The following ADAM23 variants were observed in gnomAD, a reference collection of about 807,000 sequenced individuals.
ADAM23 encodes ADAM metallopeptidase domain 23, also known as disintegrin and metalloproteinase domain-containing protein 23.
Under a neutral mutation model 120.1 loss-of-function variants are expected in ADAM23, and 33 were observed. The ratio of observed to expected loss-of-function variants is 0.27; its 90% confidence interval spans 0.21 to 0.37. The LOEUF is 0.37. Ranked by LOEUF, ADAM23 falls within the 10% of genes least tolerant of loss-of-function variation. ADAM23 has a pLI of 1.00. For missense variants in ADAM23, 862 were observed against 1,058.2 expected, an observed-to-expected ratio of 0.81 and a Z score of 2.57; for synonymous variants, 367 against 375.2, an observed-to-expected ratio of 0.98 and a Z score of 0.25.
chr2:206,577,186 T>G (rs1348641220), intron 18 of ADAM23, among the ~76,000 whole-genome samples: 1 of 152,106 alleles, frequency 6.6e-6, no homozygotes, highest in Admixed American at 6.6e-5. Flanking sequence ...TTTATTAGCC[T>G]AAACTAAAAC....
intron 24 of ADAM23, chr2:206,605,818 G>A (rs911869162): frequency 2.9e-6 from 2 of 700,696 alleles, no homozygotes; most frequent in Admixed American, 4.0e-5. Flanking sequence ...GGCTAATAGG[G>A]GCCGTGGCCG....
At chr2:206,507,931 T>G (rs1696528725) in intron 3 of ADAM23, among the ~76,000 whole-genome samples, 1 of 152,200 alleles carries the variant, frequency 6.6e-6, no homozygotes, top group Admixed American at 6.5e-5. Context: ...GCAGCCTGCT[T>G]GGGCTTCCCT....
At chr2:206,500,402 G>A (rs1696363479) in intron 3 of ADAM23, among the ~76,000 whole-genome samples, 1 of 152,244 alleles carries the variant, frequency 6.6e-6, no homozygotes, top group African/African-American at 2.4e-5. Context: ...AGTTAGCCAT[G>A]ATAATGGATA....
At chr2:206,545,603 A>G (rs1448088256) in intron 6 of ADAM23, among the ~76,000 whole-genome samples, 1 of 152,226 alleles carries the variant, frequency 6.6e-6, no homozygotes, top group Non-Finnish European at 1.5e-5. Flanking sequence ...GTATGTATGA[A>G]TATGGGGTAA....
chr2:206,490,101 A>G (rs567642182), intron 3 of ADAM23, among the ~76,000 whole-genome samples: 3 of 152,288 alleles, frequency 2.0e-5, no homozygotes, highest in East Asian at 1.9e-4. Context: ...TAATATTACT[A>G]TTGTCATGAA....
At chr2:206,561,609 T>C (rs1697768664) in intron 12 of ADAM23, among the ~76,000 whole-genome samples, 1 of 152,182 alleles carries the variant, frequency 6.6e-6, no homozygotes, top group African/African-American at 2.4e-5. Flanking sequence ...TTTCTCCCTA[T>C]GTATATATTT....
intron 2 of ADAM23, among the ~76,000 whole-genome samples, chr2:206,462,763 C>T (rs958350825): frequency 1.3e-5 from 2 of 152,080 alleles, no homozygotes; most frequent in Non-Finnish European, 2.9e-5. Flanking sequence ...GGAAAAATTG[C>T]ATATTTCCTG....
intron 9 of ADAM23, among the ~76,000 whole-genome samples, chr2:206,551,477 G>A (rs1362164160): frequency 6.6e-6 from 1 of 152,140 alleles, no homozygotes; most frequent in East Asian, 1.9e-4. Flanking sequence ...ACTTTATATA[G>A]ATGAGAATCT....
chr2:206,447,749 A>G (rs1695111574), intron 2 of ADAM23, among the ~76,000 whole-genome samples: 1 of 152,194 alleles, frequency 6.6e-6, no homozygotes, highest in Admixed American at 6.5e-5. Context: ...TATCTGTGTT[A>G]TGTACCTTTT....
At chr2:206,616,132 G>A (rs979306442) in intron 25 of ADAM23, among the ~76,000 whole-genome samples, 2 of 152,172 alleles carry the variant, frequency 1.3e-5, no homozygotes, top group Admixed American at 6.5e-5. Flanking sequence ...ACAGAGTATG[G>A]CTCCTTAAAC....
rs35626987 is a variant in ADAM23 at position 206,543,750 on chromosome 2, TAC to T, written c.720+453_720+454del. ...CAGCAAGTAGATAAGTAAAATGTGATACACACACACACACACACACGCACACG... is the reference window on the plus strand; with the variant it reads ...CAGCAAGTAGATAAGTAAAATGTGATACACACACACACACACACGCACACG... On this transcript the variant is annotated intron_variant, in intron 6 of 25. Transcript: ENST00000264377. Among the ~76,000 whole-genome samples the T allele has an allele frequency of 3.1e-4, 46 of 149,742 alleles. 2 individuals are homozygous for T. Among genetic ancestry groups the T allele is most frequent in the South Asian group, 4.2e-4 (2 of 4,736 alleles).
chr2:206,538,963 C>T (rs1018300478), intron 4 of ADAM23, among the ~76,000 whole-genome samples: 6 of 152,034 alleles, frequency 3.9e-5, no homozygotes, highest in African/African-American at 1.4e-4. Flanking sequence ...CTTTTTTTCC[C>T]TACAAGTTGT....
At chr2:206,541,951 C>A in intron 4 of ADAM23, 101 bp from the exon 5 acceptor site, 2 of 1,188,308 alleles carry the variant, frequency 1.7e-6, no homozygotes, top group Non-Finnish European at 2.5e-6. Flanking sequence ...ATACAGTGCA[C>A]ATATATGCCC....
At chr2:206,553,759 A>C (rs976462350) in intron 9 of ADAM23, among the ~76,000 whole-genome samples, 1 of 152,186 alleles carries the variant, frequency 6.6e-6, no homozygotes, top group African/African-American at 2.4e-5. Flanking sequence ...TTGAAAGTCA[A>C]ACTGAACTAG....
intron 4 of ADAM23, among the ~76,000 whole-genome samples, chr2:206,531,667 A>G (rs539117378): frequency 2.0e-5 from 3 of 152,350 alleles, no homozygotes; most frequent in South Asian, 2.1e-4. Flanking sequence ...GGCTACAGAA[A>G]GAAACTCTGA....
chr2:206,571,865 G>C (rs775872640), intron 17 of ADAM23, 49 bp downstream of exon 17: 1 of 1,519,416 alleles, frequency 6.6e-7, no homozygotes, highest in Admixed American at 1.7e-5. Flanking sequence ...AGATTAGCCA[G>C]ATATCTCAGT....
At chr2:206,542,542 T>C (rs1697313157) in intron 5 of ADAM23, among the ~76,000 whole-genome samples, 1 of 151,844 alleles carries the variant, frequency 6.6e-6, no homozygotes, top group Non-Finnish European at 1.5e-5. Flanking sequence ...CAGGCAAGGG[T>C]GGGGTGACAA....
intron 11 of ADAM23, among the ~76,000 whole-genome samples, 154 bp downstream of exon 11, chr2:206,560,272 A>C (rs990759559): frequency 6.6e-6 from 1 of 151,992 alleles, no homozygotes; most frequent in Non-Finnish European, 1.5e-5. Flanking sequence ...TGGAGTTAGG[A>C]TATCCCATGC....
At chr2:206,567,384 C>A in intron 15 of ADAM23, 62 bp downstream of exon 15, 2 of 1,372,676 alleles carry the variant, frequency 1.5e-6, no homozygotes, top group Non-Finnish European at 1.0e-6. Flanking sequence ...TACAGTGCAA[C>A]AGTGCTGGAT....
Sources: gnomAD v4.1 joint callset for allele counts (sites outside exome capture counted in the v4.1 genomes callset) on GRCh38, gnomAD v4.1.1 for gene constraint, MANE v1.5 for transcripts, NCBI Gene and HGNC (gene_info 2026-07-23, HGNC 2026-07-21) for gene names.